Variants in TRPM5 observed in about 807,000 individuals in gnomAD.
TRPM5 encodes MLSN1 and TRP-related.
A neutral mutation model predicts 124.9 loss-of-function variants in TRPM5; 121 were observed. That is an observed-to-expected ratio of 0.97 (90% CI 0.84 to 1.13). The LOEUF is 1.13. Among genes scored for constraint, TRPM5 ranks in the 50% most tolerant of loss-of-function variants. The pLI is 0.00. For missense variants in TRPM5, 1,643 were observed against 1,589.1 expected (o/e 1.03, Z -0.58); for synonymous variants, 781 against 700.5 (o/e 1.11, Z -1.81).
At chr11:2,428,098 C>T in the TRPM5 span, among the ~76,000 whole-genome samples, 4 of 152,014 alleles carry the variant, frequency 2.6e-5, no homozygotes, top group Non-Finnish European at 5.9e-5. The surrounding 1 kb of genome is among the most constrained non-coding windows in gnomAD (Gnocchi z 4.0). Flanking sequence ...ATCCCGCAGT[C>T]CTGGGATTGG....
exon 24 of TRPM5, chr11:2,404,952 A>C (rs878998753): frequency 6.2e-7 from 1 of 1,612,196 alleles, no homozygotes; most frequent in South Asian, 1.1e-5. Context: ...TGTCCGAGGG[A>C]GGCTGGCCAG....
intron 7 of TRPM5, 57 bp downstream of exon 12, chr11:2,417,670 G>T: frequency 7.0e-7 from 1 of 1,425,562 alleles, no homozygotes; most frequent in Non-Finnish European, 9.6e-7. Context: ...CCCCAAAGCG[G>T]CTCTGAGCAT....
At chr11:2,413,097 C>T in intron 14 of TRPM5, 37 bp downstream of exon 19, 1 of 1,548,214 alleles carries the variant, frequency 6.5e-7, no homozygotes, top group Non-Finnish European at 8.7e-7. Context: ...CACCACCCGC[C>T]AGTCCCCTCC....
the TRPM5 span, among the ~76,000 whole-genome samples, chr11:2,431,824 C>T: frequency 6.6e-6 from 1 of 152,172 alleles, no homozygotes; most frequent in Non-Finnish European, 1.5e-5. Flanking sequence ...TTTCAGTATG[C>T]CTCACCCTCT....
intron 2 of TRPM5, 64 bp from the exon 8 acceptor site, chr11:2,421,262 G>C (rs1401761015): frequency 6.7e-7 from 1 of 1,495,376 alleles, no homozygotes; most frequent in East Asian, 2.6e-5. Flanking sequence ...CTGGCCCCAC[G>C]CCCTAACCCC....
chr11:2,405,345 A>C (rs1426975266), intron 23 of TRPM5, among the ~76,000 whole-genome samples, 182 bp downstream of exon 28: 1 of 152,206 alleles, frequency 6.6e-6, no homozygotes, highest in Non-Finnish European at 1.5e-5. Flanking sequence ...GGCCCTGGCC[A>C]AGGCAGGGAC....
chr11:2,415,195 C>T (rs199817971), exon 9 of TRPM5: 30 of 1,583,998 alleles, frequency 1.9e-5, no homozygotes, highest in South Asian at 6.8e-5. Flanking sequence ...TCCTTGAGTA[C>T]GCGGGAGACC....
intron 4 of TRPM5, among the ~76,000 whole-genome samples, chr11:2,419,981 C>T (rs921457709): frequency 1.2e-4 from 19 of 152,278 alleles, no homozygotes; most frequent in African/African-American, 4.6e-4. Context: ...TGTCACTGTC[C>T]AGTCAGAGCC....
At chr11:2,443,423 G>C in the TRPM5 span, among the ~76,000 whole-genome samples, 3,190 of 152,266 alleles carry the variant, frequency 0.021, 110 homozygotes, top group African/African-American at 0.073. The surrounding 1 kb of genome is among the most constrained non-coding windows in gnomAD (Gnocchi z 5.0). Context: ...CTTCTGACCC[G>C]CTGCCCTTCT....
chr11:2,422,122 G>A lies in TRPM5; in HGVS notation c.298+19C>T. 1 of 1,573,102 alleles carries A rather than the reference G, an allele frequency of 6.4e-7. No homozygotes were observed. Among genetic ancestry groups the A allele is most frequent in the Non-Finnish European group, 8.6e-7 (1 of 1,157,774 alleles). On this transcript the variant is annotated intron_variant, in intron 2 of 23. Coordinates refer to ENST00000155858, the Ensembl canonical transcript of TRPM5. ...GCCCTGTGGGGTGGGAGCGCTGCCT[G>A]TGCCGGGTGGGGCCTCACCTGTGCT... is the stretch of plus-strand genomic sequence containing the variant.
chr11:2,431,491 T>C, the TRPM5 span, among the ~76,000 whole-genome samples: 4 of 152,130 alleles, frequency 2.6e-5, no homozygotes, highest in African/African-American at 4.8e-5. Flanking sequence ...TCTATCCTGG[T>C]CCTGCCCTCC....
At chr11:2,419,151 G>C (rs776492306) in intron 4 of TRPM5, among the ~76,000 whole-genome samples, 1 of 152,184 alleles carries the variant, frequency 6.6e-6, no homozygotes, top group African/African-American at 2.4e-5. Flanking sequence ...AACTGGGCTC[G>C]CAGGCGGGCC....
In TRPM5 at chr11:2,405,557, C is replaced by G. The variant is rs369439715; in HGVS notation, c.3361G>C (p.Asp1121His). 2.3e-5 allele frequency: 36 copies of G among 1,566,018 alleles called. No homozygotes were observed. The African/African-American group carries it at 4.3e-4, about 19-fold the overall frequency. Reference sequence around the variant, plus strand: ...GGGCCGCCACCCTGGGCCAGCACGTCAGCCACGGAGGACACGAGCACCGAG... The same window carrying G: ...GGGCCGCCACCCTGGGCCAGCACGTGAGCCACGGAGGACACGAGCACCGAG... Residue 1121 changes from aspartate to histidine, a missense_variant, in exon 23 of 24, where the codon GAC becomes CAC. Asp to His is a moderately conservative substitution (Grantham distance 81). Transcript: ENST00000155858.
At chr11:2,404,665 G>A in exon 24 of TRPM5, 1 of 499,460 alleles carries the variant, frequency 2.0e-6, no homozygotes, top group Non-Finnish European at 3.6e-6. Flanking sequence ...CAGTTTCCAG[G>A]TAGGGATGCG....
At position 2,407,087 on chromosome 11, in the gene TRPM5, ACCCAGGTGCTCCCGCTTGTGCTCG is replaced by A. The variant is rs1850337867; in HGVS notation, c.3118+8_3118+31del. 9.7e-7 allele frequency: 1 copy of A among 1,034,388 alleles called. No homozygotes were observed. Among genetic ancestry groups the A allele is most frequent in the Non-Finnish European group, 1.3e-6 (1 of 772,966 alleles). 64.1% of individuals were successfully genotyped at this position (1,034,388 alleles called of 1,614,324 possible). On this transcript the variant is annotated splice_region_variant and intron_variant, in intron 20 of 23. Coordinates refer to ENST00000155858, the Ensembl canonical transcript of TRPM5. Reference sequence around the variant, plus strand: ...CCCTGGGACCCGCCACCTCGGCCTCACCCAGGTGCTCCCGCTTGTGCTCGGCCTCACCCAGGTGCTCCCGCTTGT... The same window carrying A: ...CCCTGGGACCCGCCACCTCGGCCTCAGCCTCACCCAGGTGCTCCCGCTTGT...
chr11:2,414,589 C>A (rs1850525685), intron 11 of TRPM5, 126 bp downstream of exon 16: 10 of 1,338,310 alleles, frequency 7.5e-6, no homozygotes, highest in Non-Finnish European at 9.9e-6. Context: ...TGGAGGAGGC[C>A]CCTGAGGGCA....
At chr11:2,413,273 G>A (rs1850492041) in intron 13 of TRPM5, 47 bp from the exon 19 acceptor site, 1 of 1,485,756 alleles carries the variant, frequency 6.7e-7, no homozygotes, top group Admixed American at 2.5e-5. Context: ...GCTCCCAGAG[G>A]CGCCTGCCTG....
At chr11:2,411,409 C>A in exon 18 of TRPM5, 1 of 1,612,150 alleles carries the variant, frequency 6.2e-7, no homozygotes, top group East Asian at 2.2e-5. Context: ...CGGTAGAGCA[C>A]CCGGCGGAAG....
chr11:2,418,507 G>A lies in TRPM5; in HGVS notation c.714+20C>T. 1 of 1,606,026 alleles carries A rather than the reference G, an allele frequency of 6.2e-7. No homozygotes were observed. The highest frequency in any genetic ancestry group is 8.5e-7 in the Non-Finnish European group (1 of 1,177,078). ...TCCACAAGGCTTCGGCCAGCCAGGG[G>A]GCCTCAGCCAGGCCCCTACCTCCAA... On this transcript the variant is annotated intron_variant, in intron 5 of 23. Coordinates refer to ENST00000155858, the Ensembl canonical transcript of TRPM5.
Sources: allele counts gnomAD v4.1 joint callset (sites outside exome capture counted in the v4.1 genomes callset), GRCh38; gene constraint gnomAD v4.1.1; non-coding constraint Gnocchi (gnomAD v3.1); transcripts MANE v1.5; gene names NCBI Gene and HGNC (gene_info 2026-07-23, HGNC 2026-07-21).